NKAIN2: variants seen among roughly 807,000 people sequenced by gnomAD.
NKAIN2 encodes sodium/potassium transporting ATPase interacting 2.
NKAIN2 carries 14 observed loss-of-function variants against 32.6 expected under a neutral mutation model. That is an observed-to-expected ratio of 0.43 (90% CI 0.28 to 0.67). The LOEUF (loss-of-function observed/expected upper bound fraction) is 0.67. Among genes scored for constraint, NKAIN2 ranks in the 30% least tolerant of loss-of-function variants. NKAIN2 has a pLI of 0.17. For missense variants in NKAIN2, 198 were observed against 258.3 expected, an observed-to-expected ratio of 0.77 and a Z score of 1.60; for synonymous variants, 80 against 87.2, an observed-to-expected ratio of 0.92 and a Z score of 0.46.
intron 1 of NKAIN2, among the ~76,000 whole-genome samples, chr6:124,276,293 A>AACAC (rs149321217): frequency 0.025 from 3,648 of 145,884 alleles, 143 homozygotes; most frequent in African/African-American, 0.075. Flanking sequence ...CCCCTTGGTG[A>AACAC]ACACACACAC....
intron 6 of NKAIN2, 152 bp downstream of exon 6, chr6:124,818,620 A>T (rs1781271193): frequency 2.3e-6 from 1 of 430,060 alleles, no homozygotes; most frequent in Non-Finnish European, 4.2e-6. Flanking sequence ...GATAATTTTA[A>T]TAACATTTTT....
At chr6:124,049,841 A>T (rs1415049823) in intron 1 of NKAIN2, among the ~76,000 whole-genome samples, 2 of 152,010 alleles carry the variant, frequency 1.3e-5, no homozygotes, top group African/African-American at 4.8e-5. Flanking sequence ...ATAAAGGTCC[A>T]TTTGACTTAT....
chr6:124,172,538 T>C (rs1439847713), intron 1 of NKAIN2, among the ~76,000 whole-genome samples: 1 of 152,328 alleles, frequency 6.6e-6, no homozygotes, highest in East Asian at 1.9e-4. Flanking sequence ...TTGACTGCAA[T>C]GATATCAGAT....
At chr6:124,512,798 A>T (rs1276881680) in intron 3 of NKAIN2, among the ~76,000 whole-genome samples, 1 of 152,160 alleles carries the variant, frequency 6.6e-6, no homozygotes, top group African/African-American at 2.4e-5. Flanking sequence ...TTGAAGGGCT[A>T]CCCTGATAAT....
intron 4 of NKAIN2, among the ~76,000 whole-genome samples, chr6:124,691,955 T>G (rs1774277145): frequency 1.3e-5 from 2 of 152,222 alleles, no homozygotes; most frequent in Admixed American, 6.5e-5. Context: ...TACACTGTGA[T>G]TTCTTCATGA....
chr6:124,299,574 T>C (rs1212644100), intron 2 of NKAIN2, among the ~76,000 whole-genome samples: 1 of 152,178 alleles, frequency 6.6e-6, no homozygotes, highest in Admixed American at 6.5e-5. Context: ...TTTGACATGA[T>C]AAAAAAATGT....
At chr6:124,554,334 G>T (rs2114874838) in intron 3 of NKAIN2, among the ~76,000 whole-genome samples, 1 of 152,312 alleles carries the variant, frequency 6.6e-6, no homozygotes, top group South Asian at 2.1e-4. Context: ...CTCCCGGTGT[G>T]AAATGTTTTT....
chr6:124,517,805 A>C (rs2114788832), intron 3 of NKAIN2, among the ~76,000 whole-genome samples: 1 of 152,298 alleles, frequency 6.6e-6, no homozygotes, highest in East Asian at 1.9e-4. Context: ...TGTTAAATTC[A>C]GATGGTTTTA....
At chr6:124,730,388 C>T (rs1167870964) in intron 4 of NKAIN2, among the ~76,000 whole-genome samples, 3 of 99,364 alleles carry the variant, frequency 3.0e-5, no homozygotes, top group Non-Finnish European at 6.1e-5. Flanking sequence ...CAGAACAGAG[C>T]CCTCAGAAAT....
intron 3 of NKAIN2, among the ~76,000 whole-genome samples, chr6:124,424,463 T>TTAC (rs147118056): frequency 2.0e-5 from 3 of 151,600 alleles, no homozygotes; most frequent in Non-Finnish European, 4.4e-5. Context: ...CAACACAGTA[T>TTAC]TAACTGTAGT....
At chr6:124,602,987 A>C (rs1467954278) in intron 3 of NKAIN2, among the ~76,000 whole-genome samples, 2 of 151,946 alleles carry the variant, frequency 1.3e-5, no homozygotes, top group Non-Finnish European at 2.9e-5. Context: ...AATGACAAAA[A>C]ACACAGTCAT....
rs184536400 is a variant in NKAIN2, at chr6:124,806,309, G to C, written c.536-12078G>C. On this transcript the variant is annotated intron_variant, in intron 5 of 6. Coordinates refer to ENST00000368417, the MANE Select transcript of NKAIN2 (RefSeq NM_001040214.3). ...GGATCTCTTGGCAGAAACTCTACAA[G>C]CCAGAAGAGAGTGAGGGCCAATATT... Among the ~76,000 whole-genome samples the C allele has an allele frequency of 4.4e-3, 673 of 152,282 alleles. 5 individuals are homozygous for C. Among genetic ancestry groups the C allele is most frequent in the African/African-American group, 0.015 (642 of 41,564 alleles).
At chr6:124,179,407 G>C (rs1380414895) in intron 1 of NKAIN2, among the ~76,000 whole-genome samples, 1 of 152,212 alleles carries the variant, frequency 6.6e-6, no homozygotes, top group African/African-American at 2.4e-5. Flanking sequence ...GCACAAGTCT[G>C]TTAATGTCTT....
intron 1 of NKAIN2, among the ~76,000 whole-genome samples, chr6:124,165,694 GTGTGA>G (rs1288657674): frequency 7.2e-6 from 1 of 139,690 alleles, no homozygotes; most frequent in Non-Finnish European, 1.5e-5. Context: ...AGTCCCCAGA[GTGTGA>G]TGTTCCCCTC....
intron 3 of NKAIN2, among the ~76,000 whole-genome samples, chr6:124,534,478 T>C (rs538095036): frequency 6.6e-6 from 1 of 152,362 alleles, no homozygotes; most frequent in South Asian, 2.1e-4. Context: ...ATAACAAATT[T>C]TTTAAGTTGA....
At chr6:124,639,085 G>T in intron 3 of NKAIN2, among the ~76,000 whole-genome samples, 1 of 152,012 alleles carries the variant, frequency 6.6e-6, no homozygotes, top group Non-Finnish European at 1.5e-5. Flanking sequence ...AAAAGTAAAT[G>T]CTGGTGAGGA....
intron 2 of NKAIN2, among the ~76,000 whole-genome samples, chr6:124,329,315 T>A (rs1797555016): frequency 6.6e-6 from 1 of 152,236 alleles, no homozygotes. Context: ...TATTCTTTTC[T>A]GGACCCAATG....
chr6:124,345,578 G>A (rs1225422177), intron 2 of NKAIN2, among the ~76,000 whole-genome samples: 12 of 151,204 alleles, frequency 7.9e-5, no homozygotes, highest in South Asian at 2.1e-4. Flanking sequence ...TGTATGTGTC[G>A]AGGAATTTAT....
chr6:123,858,566 T>C (rs890008584), intron 1 of NKAIN2, among the ~76,000 whole-genome samples: 1 of 152,118 alleles, frequency 6.6e-6, no homozygotes, highest in Non-Finnish European at 1.5e-5. Context: ...AGGATAGAGG[T>C]CATTAAAGCA....
Sources: allele counts gnomAD v4.1 joint callset (sites outside exome capture counted in the v4.1 genomes callset), GRCh38; gene constraint gnomAD v4.1.1; transcripts MANE v1.5; gene names NCBI Gene and HGNC (gene_info 2026-07-23, HGNC 2026-07-21).